The following TMEM232 variants were observed in gnomAD, a reference collection of about 807,000 sequenced individuals.
TMEM232 encodes transmembrane protein 232.
A neutral mutation model predicts 78.8 loss-of-function variants in TMEM232; 80 were observed. The observed-to-expected ratio is 1.01, with a 90% confidence interval of 0.85 to 1.22. TMEM232 has a LOEUF of 1.22. Among genes scored for constraint, TMEM232 ranks in the 50% most tolerant of loss-of-function variants. TMEM232 has a pLI of 0.00. For synonymous variants in TMEM232, 297 were observed against 254.3 expected (o/e 1.17, Z -1.60); for missense variants, 881 against 742.2 (o/e 1.19, Z -2.17).
At chr5:110,500,342 A>G (rs1379371272) in intron 12 of TMEM232, among the ~76,000 whole-genome samples, 1 of 151,752 alleles carries the variant, frequency 6.6e-6, no homozygotes, top group Non-Finnish European at 1.5e-5. Flanking sequence ...TTAATTTTTA[A>G]TTGAAATTTT....
intron 11 of TMEM232, among the ~76,000 whole-genome samples, chr5:110,552,258 A>G (rs185414423): frequency 8.5e-5 from 13 of 152,222 alleles, no homozygotes; most frequent in Admixed American, 7.2e-4. Context: ...TAGCCACAAT[A>G]TATATTTAGA....
At chr5:110,580,577 TA>T (rs147891249) in intron 10 of TMEM232, among the ~76,000 whole-genome samples, 13,681 of 151,560 alleles carry the variant, frequency 0.09, 628 homozygotes, top group Admixed American at 0.12. Context: ...TTGACAGAAC[TA>T]AAGGGAGAAA....
At chr5:110,387,509 A>C (rs554885666) in intron 5 of TMEM232, 9 of 152,294 alleles carry the variant, frequency 5.9e-5, no homozygotes, top group Admixed American at 5.9e-4. Flanking sequence ...TAGGCTTCTG[A>C]AAAAAATAAA....
At chr5:110,471,626 AAAG>A (rs1427034743) in intron 12 of TMEM232, among the ~76,000 whole-genome samples, 1 of 151,824 alleles carries the variant, frequency 6.6e-6, no homozygotes, top group Non-Finnish European at 1.5e-5. Flanking sequence ...AGAAAAAAAA[AAAG>A]AAGACAAAAA....
intron 11 of TMEM232, among the ~76,000 whole-genome samples, chr5:110,538,570 C>T (rs891220844): frequency 6.6e-6 from 1 of 152,180 alleles, no homozygotes; most frequent in African/African-American, 2.4e-5. Flanking sequence ...ACTAAGCCCT[C>T]ACCAGGCCCC....
At chr5:110,543,532 A>G (rs1190979603) in intron 11 of TMEM232, among the ~76,000 whole-genome samples, 1 of 152,152 alleles carries the variant, frequency 6.6e-6, no homozygotes, top group Non-Finnish European at 1.5e-5. Context: ...AACTTGAAAA[A>G]TTTTAGTTAA....
At chr5:110,391,326 T>TGTGTGTGAGA (rs549361387) in intron 3 of TMEM232, among the ~76,000 whole-genome samples, 405 of 139,888 alleles carry the variant, frequency 2.9e-3, no homozygotes, top group African/African-American at 7.3e-3. Context: ...TGTGTGTGTG[T>TGTGTGTGAGA]GAGAGAGAGA....
chr5:110,455,447 G>C (rs193287119), intron 12 of TMEM232, among the ~76,000 whole-genome samples: 5 of 150,774 alleles, frequency 3.3e-5, no homozygotes, highest in Admixed American at 2.6e-4. Context: ...GCGCAATCTC[G>C]GCTCACTGCA....
At position 110,551,264 on chromosome 5, in the gene TMEM232, G is replaced by A. The variant is rs533002850; in HGVS notation, c.1455+17183C>T. 2.6e-5 allele frequency among the ~76,000 whole-genome samples: 4 copies of A among 152,156 alleles called. No homozygotes were observed. In the South Asian group the frequency reaches 8.3e-4, roughly 32 times the overall value. On this transcript the variant is annotated intron_variant, in intron 11 of 13. Coordinates refer to ENST00000455884, the MANE Select transcript of TMEM232 (RefSeq NM_001039763.4). Reference sequence around the variant, plus strand: ...TTTGAGACAGTGTCTCACTCTGTTGGCCAGGCTGGAGTGCAGTGGCCCAAT... The same window carrying A: ...TTTGAGACAGTGTCTCACTCTGTTGACCAGGCTGGAGTGCAGTGGCCCAAT...
chr5:110,537,137 C>G (rs1278042576), intron 11 of TMEM232, among the ~76,000 whole-genome samples: 3 of 152,082 alleles, frequency 2.0e-5, no homozygotes, highest in Non-Finnish European at 2.9e-5. Context: ...CCTCTCTTTT[C>G]CAGACCACTA....
chr5:110,435,069 G>C (rs1260404817), intron 12 of TMEM232, among the ~76,000 whole-genome samples: 1 of 151,816 alleles, frequency 6.6e-6, no homozygotes, highest in Non-Finnish European at 1.5e-5. Flanking sequence ...GGAAGTCTTA[G>C]CCAGAGCAAT....
At chr5:110,638,880 C>T (rs551612248) in intron 4 of TMEM232, among the ~76,000 whole-genome samples, 5 of 151,996 alleles carry the variant, frequency 3.3e-5, no homozygotes, top group Admixed American at 3.3e-4. Context: ...AAAGGCAGTG[C>T]GAAAGATAAA....
chr5:110,408,707 C>A (rs190837587), intron 2 of TMEM232, among the ~76,000 whole-genome samples: 3 of 151,136 alleles, frequency 2.0e-5, no homozygotes, highest in Non-Finnish European at 3.0e-5. Flanking sequence ...AATAGAAGAC[C>A]CAAATAAGTA....
intron 12 of TMEM232, among the ~76,000 whole-genome samples, chr5:110,489,003 G>T (rs571475433): frequency 3.3e-5 from 5 of 151,588 alleles, no homozygotes; most frequent in African/African-American, 7.3e-5. Context: ...AAAATGACAC[G>T]AAAAGAAATA....
chr5:110,450,175 C>T (rs148638541), intron 12 of TMEM232, among the ~76,000 whole-genome samples: 16 of 152,264 alleles, frequency 1.1e-4, no homozygotes, highest in African/African-American at 3.9e-4. Context: ...GCCTCACAGC[C>T]ATACTTCCTG....
chr5:110,591,846 A>G (rs984313600), intron 10 of TMEM232, among the ~76,000 whole-genome samples: 5 of 152,184 alleles, frequency 3.3e-5, no homozygotes, highest in Non-Finnish European at 7.3e-5. Flanking sequence ...TCAGTTAAAT[A>G]AAGCAGAAGC....
At chr5:110,616,172 G>A (rs890305751) in intron 8 of TMEM232, among the ~76,000 whole-genome samples, 1 of 151,934 alleles carries the variant, frequency 6.6e-6, no homozygotes, top group Non-Finnish European at 1.5e-5. Flanking sequence ...ATTTTAAAGT[G>A]TATTACAAAG....
intron 12 of TMEM232, among the ~76,000 whole-genome samples, chr5:110,518,666 A>C (rs1769045615): frequency 6.6e-6 from 1 of 152,162 alleles, no homozygotes; most frequent in African/African-American, 2.4e-5. Flanking sequence ...TTTTCTGTTG[A>C]CCATTTGTGT....
intron 12 of TMEM232, among the ~76,000 whole-genome samples, chr5:110,484,670 A>G (rs1455768781): frequency 1.3e-5 from 2 of 152,112 alleles, no homozygotes; most frequent in Admixed American, 1.3e-4. Flanking sequence ...CTAAACTAAT[A>G]TAAAACAGAC....
Sources: gnomAD v4.1 joint callset for allele counts (sites outside exome capture counted in the v4.1 genomes callset) on GRCh38, gnomAD v4.1.1 for gene constraint, MANE v1.5 for transcripts, NCBI Gene and HGNC (gene_info 2026-07-23, HGNC 2026-07-21) for gene names.